HDAC4: variants seen among roughly 807,000 people sequenced by gnomAD.
HDAC4 encodes histone deacetylase 4, also known as histone deacetylase A.
HDAC4 carries 16 observed loss-of-function variants against 135.1 expected under a neutral mutation model. The observed-to-expected ratio is 0.12, with a 90% confidence interval of 0.08 to 0.18. HDAC4 has a LOEUF of 0.18. Ranked by LOEUF, HDAC4 falls within the 10% of genes least tolerant of loss-of-function variation. The pLI is 1.00. For missense variants in HDAC4, 1,143 were observed against 1,511.8 expected (o/e 0.76, Z 4.05); for synonymous variants, 685 against 653.4 (o/e 1.05, Z -0.74).
chr2:239,227,772 G>A (rs1321969014), intron 3 of HDAC4, among the ~76,000 whole-genome samples: 1 of 152,170 alleles, frequency 6.6e-6, no homozygotes, highest in Non-Finnish European at 1.5e-5. Context: ...AGCCAGAAGG[G>A]CCCTCTGAAG....
chr2:239,292,233 G>A (rs2051564588), intron 2 of HDAC4, among the ~76,000 whole-genome samples: 2 of 152,236 alleles, frequency 1.3e-5, no homozygotes, highest in Admixed American at 6.5e-5. Flanking sequence ...GCTGCAATGC[G>A]CTGGCTCCCA....
chr2:239,289,129 G>A (rs1042013976), intron 2 of HDAC4, among the ~76,000 whole-genome samples: 2 of 152,214 alleles, frequency 1.3e-5, no homozygotes, highest in African/African-American at 4.8e-5. Context: ...CTATCCCAGA[G>A]AAAGGGTGTA....
intron 20 of HDAC4, 73 bp downstream of exon 20, chr2:239,084,082 C>T: frequency 9.6e-7 from 1 of 1,044,498 alleles, no homozygotes; most frequent in Non-Finnish European, 1.5e-6. Flanking sequence ...GCTCCTCTGT[C>T]CACACGCTGC....
chr2:239,104,927 A>C (rs1488594953), intron 15 of HDAC4, among the ~76,000 whole-genome samples: 1 of 152,282 alleles, frequency 6.6e-6, no homozygotes, highest in Non-Finnish European at 1.5e-5. Context: ...ACAGGATCAA[A>C]GCCCCAAAAG....
intron 7 of HDAC4, among the ~76,000 whole-genome samples, chr2:239,147,654 C>T (rs1213545859): frequency 2.0e-5 from 3 of 152,242 alleles, no homozygotes; most frequent in Non-Finnish European, 2.9e-5. Context: ...AGCATCAGGC[C>T]GGAGGCCTCA....
chr2:239,254,962 A>G (rs1481473272), intron 2 of HDAC4, among the ~76,000 whole-genome samples: 1 of 152,268 alleles, frequency 6.6e-6, no homozygotes, highest in Non-Finnish European at 1.5e-5. Flanking sequence ...AAAAGTAGCC[A>G]AAAGATAATG....
chr2:239,360,850 G>C (rs968693126), intron 1 of HDAC4, among the ~76,000 whole-genome samples: 1 of 152,208 alleles, frequency 6.6e-6, no homozygotes, highest in Admixed American at 6.5e-5. Flanking sequence ...GAAGTACTGG[G>C]TTGGAGTTCA....
chr2:239,197,235 C>G (rs1043788954), intron 3 of HDAC4, among the ~76,000 whole-genome samples: 2 of 152,172 alleles, frequency 1.3e-5, no homozygotes, highest in Non-Finnish European at 2.9e-5. Flanking sequence ...GCTTGAAGAC[C>G]ATCCTTCGCC....
chr2:239,336,271 C>G (rs1265440349), intron 2 of HDAC4, among the ~76,000 whole-genome samples: 1 of 152,088 alleles, frequency 6.6e-6, no homozygotes, highest in Non-Finnish European at 1.5e-5. Flanking sequence ...TTGGGATGTC[C>G]CATTTCACAA....
At chr2:239,095,093 G>T in intron 16 of HDAC4, 37 bp from the exon 17 acceptor site, 2 of 1,612,968 alleles carry the variant, frequency 1.2e-6, no homozygotes, top group Non-Finnish European at 1.7e-6. Context: ...GAGGCCAAGG[G>T]CACGCGGCCA....
chr2:239,092,610 G>A (rs1254185583), intron 17 of HDAC4, among the ~76,000 whole-genome samples: 1 of 152,164 alleles, frequency 6.6e-6, no homozygotes, highest in Non-Finnish European at 1.5e-5. Flanking sequence ...TGCACAGAGT[G>A]AAGGACAAAG....
intron 2 of HDAC4, among the ~76,000 whole-genome samples, chr2:239,237,535 T>C (rs1330972743): frequency 6.6e-6 from 1 of 151,664 alleles, no homozygotes; most frequent in East Asian, 1.9e-4. Context: ...TAGATACAAG[T>C]TTTAAAACAG....
At chr2:239,389,650 C>T (rs1351501312) in intron 1 of HDAC4, among the ~76,000 whole-genome samples, 2 of 152,202 alleles carry the variant, frequency 1.3e-5, no homozygotes, top group African/African-American at 4.8e-5. Flanking sequence ...GGCACCCATG[C>T]ACACTGAGCC....
intron 1 of HDAC4, among the ~76,000 whole-genome samples, chr2:239,386,808 C>A (rs1695839501): frequency 1.3e-5 from 2 of 152,208 alleles, no homozygotes; most frequent in Non-Finnish European, 2.9e-5. Context: ...AGTGAAAACA[C>A]AGTGGTCTCC....
At chr2:239,159,028 T>A (rs1482406958) in intron 6 of HDAC4, among the ~76,000 whole-genome samples, 1 of 149,002 alleles carries the variant, frequency 6.7e-6, no homozygotes, top group Non-Finnish European at 1.5e-5. Context: ...CTCACACTAT[T>A]CACACCCACA....
In HDAC4 at chr2:239,115,083, C is replaced by A. The variant is rs778506213; in HGVS notation, c.1761G>T (p.Gln587His). The A allele has an allele frequency of 3.7e-6, 6 of 1,611,366 alleles. No individual in the cohort carries two copies. In the African/African-American group the frequency reaches 8.0e-5, roughly 21 times the overall value. Residue 587 changes from glutamine (Q) to histidine (H), a missense_variant, in exon 13 of 27, where the codon CAG (glutamine) becomes CAT (histidine). Gln to His is a conservative substitution (Grantham distance 24). Around this residue, in one of 9 missense-constraint regions of HDAC4, gnomAD observed 196 missense variants for 210.7 expected, o/e 0.93. Transcript: ENST00000543185. The surrounding 1 kb of genome is among the most constrained non-coding windows in gnomAD (Gnocchi z 6.3). The part of the protein sequence containing the change: ...PPREVEPGQR[Q>H]PSEQELLFRQ... Reference sequence around the variant, plus strand: ...TGAAGAGCAGCTCCTGCTCACTGGGCTGGCGCTGGCCCGGCTCCACCTCCC... The same window carrying A: ...TGAAGAGCAGCTCCTGCTCACTGGGATGGCGCTGGCCCGGCTCCACCTCCC...
intron 2 of HDAC4, among the ~76,000 whole-genome samples, chr2:239,244,732 C>A (rs573294532): frequency 6.6e-6 from 1 of 152,184 alleles, no homozygotes; most frequent in Non-Finnish European, 1.5e-5. Flanking sequence ...TCAAGCAGGA[C>A]CTGCACCTGC....
At chr2:239,144,781 GT>G in intron 7 of HDAC4, 67 bp from the exon 8 acceptor site, 2 of 1,573,512 alleles carry the variant, frequency 1.3e-6, no homozygotes, top group Non-Finnish European at 1.7e-6. Context: ...CCTGTTGGTG[GT>G]TTTTTAAAAA....
intron 12 of HDAC4, among the ~76,000 whole-genome samples, chr2:239,117,665 G>A (rs1428606419): frequency 6.6e-6 from 1 of 151,814 alleles, no homozygotes; most frequent in Non-Finnish European, 1.5e-5. Context: ...GGCACTGACT[G>A]AGCTGCATTC....
Sources: gnomAD v4.1 joint callset for allele counts (sites outside exome capture counted in the v4.1 genomes callset) on GRCh38, gnomAD v4.1.1 for gene constraint, gnomAD v4.1.1 regional missense constraint, Gnocchi (gnomAD v3.1) non-coding constraint, MANE v1.5 for transcripts, NCBI Gene and HGNC (gene_info 2026-07-23, HGNC 2026-07-21) for gene names.